The following ST8SIA6 variants were observed in gnomAD, a reference collection of about 807,000 sequenced individuals.
The protein encoded by ST8SIA6 is alpha-2,8-sialyltransferase 8F.
In ST8SIA6, 39 loss-of-function variants were observed where a neutral mutation model predicts 33.6. That is an observed-to-expected ratio of 1.16 (90% confidence interval 0.90 to 1.52). The LOEUF (loss-of-function observed/expected upper bound fraction) is 1.52. Among genes scored for constraint, ST8SIA6 ranks in the 40% most tolerant of loss-of-function variants. ST8SIA6 has a pLI of 0.00. For missense variants in ST8SIA6, 441 were observed against 443.8 expected (o/e 0.99, Z 0.06); for synonymous variants, 172 against 167.2 (o/e 1.03, Z -0.22).
intron 4 of ST8SIA6, among the ~76,000 whole-genome samples, chr10:17,352,737 C>A (rs894815048): frequency 6.6e-6 from 1 of 151,946 alleles, no homozygotes; most frequent in African/African-American, 2.4e-5. Context: ...CCTAAATGTG[C>A]AAGAGTTAGT....
rs529745045 is a variant in ST8SIA6, at chr10:17,442,473, A to G, written c.200+11086T>C. ...AGTAACACTAATTTCTGCCTTGGAG[A>G]TGCATTTTTTAAAATCATTATTTTT... On this transcript the variant is annotated intron_variant, in intron 2 of 7. Transcript: ENST00000377602. Among the ~76,000 whole-genome samples the G allele has an allele frequency of 3.0e-4, 46 of 152,316 alleles. No homozygotes were observed. In the South Asian group the frequency reaches 8.9e-3, roughly 30 times the overall value.
At chr10:17,334,654 G>A (rs773296089) in intron 4 of ST8SIA6, among the ~76,000 whole-genome samples, 13 of 151,372 alleles carry the variant, frequency 8.6e-5, no homozygotes, top group Non-Finnish European at 1.8e-4. Context: ...CAAGTCCAAT[G>A]AAAAAAAGAA....
chr10:17,439,593 T>C (rs1852399833), intron 2 of ST8SIA6, among the ~76,000 whole-genome samples: 1 of 152,222 alleles, frequency 6.6e-6, no homozygotes, highest in African/African-American at 2.4e-5. Context: ...TGTTTAACTT[T>C]TTAAGAAACT....
intron 2 of ST8SIA6, among the ~76,000 whole-genome samples, chr10:17,432,435 G>A (rs1852129948): frequency 6.6e-6 from 1 of 152,210 alleles, no homozygotes; most frequent in Admixed American, 6.5e-5. Flanking sequence ...CATTTGCCGT[G>A]ATGTAATGCG....
chr10:17,406,260 A>G (rs78403456), intron 2 of ST8SIA6, among the ~76,000 whole-genome samples: 2,052 of 152,296 alleles, frequency 0.013, 27 homozygotes, highest in Non-Finnish European at 0.022. Context: ...TAAAGCCAGG[A>G]TGTAAATTCT....
intron 4 of ST8SIA6, among the ~76,000 whole-genome samples, chr10:17,357,635 A>C (rs183933305): frequency 4.6e-5 from 7 of 152,284 alleles, no homozygotes; most frequent in African/African-American, 1.4e-4. Flanking sequence ...TCTGGGCTTT[A>C]GTCCTTTAAA....
At chr10:17,370,208 C>T (rs1849688094) in intron 3 of ST8SIA6, among the ~76,000 whole-genome samples, 2 of 152,270 alleles carry the variant, frequency 1.3e-5, no homozygotes, top group Non-Finnish European at 1.5e-5. Context: ...TGGTTTCGAT[C>T]TCCTGACCTC....
chr10:17,440,439 C>G (rs1373440524), intron 2 of ST8SIA6, among the ~76,000 whole-genome samples: 2 of 152,070 alleles, frequency 1.3e-5, no homozygotes, highest in African/African-American at 2.4e-5. Flanking sequence ...CTCCTGACCT[C>G]AAGTGATTCA....
rs1360022327 is a variant in ST8SIA6, at chr10:17,366,300, TA to T, written c.291-6701del. ...GCAACTTTTATTTTCTCCATATCTT[TA>T]AATGTCCCTAAGACAAGTTAAATAA... On this transcript the variant is annotated intron_variant, in intron 3 of 7. Transcript: ENST00000377602. 2.6e-5 allele frequency among the ~76,000 whole-genome samples: 4 copies of T among 152,310 alleles called. No individual in the cohort carries two copies. The East Asian group carries it at 7.7e-4, about 29-fold the overall frequency.
intron 2 of ST8SIA6, among the ~76,000 whole-genome samples, chr10:17,437,877 G>T (rs145820607): frequency 0.081 from 12,314 of 151,804 alleles, 686 homozygotes; most frequent in African/African-American, 0.15. Context: ...ACTACAGGTG[G>T]GCACCACCAT....
At chr10:17,336,241 G>A (rs1848495012) in intron 4 of ST8SIA6, among the ~76,000 whole-genome samples, 1 of 152,140 alleles carries the variant, frequency 6.6e-6, no homozygotes, top group South Asian at 2.1e-4. Flanking sequence ...ACATGCCTGA[G>A]CCGCCGCACT....
At chr10:17,342,720 G>A (rs541047763) in intron 4 of ST8SIA6, among the ~76,000 whole-genome samples, 16 of 152,156 alleles carry the variant, frequency 1.1e-4, no homozygotes, top group Non-Finnish European at 1.9e-4. Flanking sequence ...GGAGGCCAAG[G>A]CGGATGGATC....
chr10:17,380,668 T>C (rs940925727), intron 3 of ST8SIA6, among the ~76,000 whole-genome samples: 1 of 152,158 alleles, frequency 6.6e-6, no homozygotes, highest in Non-Finnish European at 1.5e-5. Context: ...GTAATAAGAT[T>C]TAAAAAACAA....
intron 3 of ST8SIA6, among the ~76,000 whole-genome samples, chr10:17,370,430 T>G (rs971136937): frequency 3.9e-5 from 6 of 152,180 alleles, no homozygotes; most frequent in Non-Finnish European, 7.3e-5. Context: ...TTTTATAGCT[T>G]TGTTTTGACT....
intron 2 of ST8SIA6, among the ~76,000 whole-genome samples, chr10:17,399,973 G>T (rs1003024343): frequency 4.0e-5 from 6 of 151,416 alleles, no homozygotes; most frequent in African/African-American, 1.5e-4. Context: ...AAATGAACAT[G>T]TGTGAAAGCT....
rs60208191 is a variant in ST8SIA6 at position 17,317,769 on chromosome 10, T to G, written c.*3109A>C. Reference sequence around the variant, plus strand: ...AGGTCTGATTTGCTGCTTAATTCTGTATTCTACAGAGAGTCCTCAAAAAAA... The same window carrying G: ...AGGTCTGATTTGCTGCTTAATTCTGGATTCTACAGAGAGTCCTCAAAAAAA... On this transcript the variant is annotated 3_prime_UTR_variant, in exon 8 of 8. Transcript: ENST00000377602. Among the ~76,000 whole-genome samples, 1 of 152,206 alleles carries G rather than the reference T, an allele frequency of 6.6e-6. No homozygotes were observed. The highest frequency in any genetic ancestry group is 1.5e-5 in the Non-Finnish European group (1 of 68,032).
chr10:17,438,474 T>TA (rs796904699), intron 2 of ST8SIA6, among the ~76,000 whole-genome samples: 375 of 143,724 alleles, frequency 2.6e-3, no homozygotes, highest in Admixed American at 3.7e-3. Flanking sequence ...AAAACTAAAC[T>TA]AAAAAAAAAA....
chr10:17,423,120 A>G (rs1564457324), intron 2 of ST8SIA6, among the ~76,000 whole-genome samples: 1 of 152,212 alleles, frequency 6.6e-6, no homozygotes, highest in Non-Finnish European at 1.5e-5. Flanking sequence ...TATGGACCTG[A>G]TAAATTATGC....
intron 2 of ST8SIA6, 40 bp downstream of exon 2, chr10:17,453,519 C>T: frequency 1.6e-6 from 2 of 1,264,640 alleles, no homozygotes; most frequent in Non-Finnish European, 2.0e-6. Context: ...CGGCTCGCAG[C>T]TCCCGAGCCC....
Sources: allele counts gnomAD v4.1 joint callset (sites outside exome capture counted in the v4.1 genomes callset), GRCh38; gene constraint gnomAD v4.1.1; transcripts MANE v1.5; gene names NCBI Gene and HGNC (gene_info 2026-07-23, HGNC 2026-07-21).